Variants in ART4 observed in about 807,000 individuals in gnomAD.
ART4 encodes the protein ecto-ADP-ribosyltransferase 4.
Under a neutral mutation model 24.2 loss-of-function variants are expected in ART4, and 14 were observed. The ratio of observed to expected loss-of-function variants is 0.58; its 90% CI spans 0.38 to 0.90. ART4 has a LOEUF of 0.90. ART4 is among the 40% of genes least tolerant of loss of function. The pLI is 0.00. For missense variants in ART4, 356 were observed against 366.6 expected (o/e 0.97, Z 0.24); for synonymous variants, 145 against 139.9 (o/e 1.04, Z -0.26).
intron 2 of ART4, among the ~76,000 whole-genome samples, chr12:14,839,316 T>A (rs1950450770): frequency 6.6e-6 from 1 of 152,174 alleles, no homozygotes; most frequent in Admixed American, 6.5e-5. Flanking sequence ...AATTTCAGAG[T>A]CCCTGAAGAC....
chr12:14,838,568 C>A lies in ART4; in HGVS notation c.853+1877G>T, dbSNP rs528144161. Among the ~76,000 whole-genome samples the A allele has an allele frequency of 3.9e-5, 6 of 152,270 alleles. No individual in the cohort carries two copies. The South Asian group carries it at 1.2e-3, about 32-fold the overall frequency. On this transcript the variant is annotated intron_variant, in intron 2 of 2. Transcript: ENST00000228936. ...TTCATCCTCTACAAACACTAATCTC[C>A]TGTGTCTGTGGGGCAGATACTCATT... is the stretch of plus-strand genomic sequence containing the variant.
Position 14,828,964 on chromosome 12 carries a change from C to T in ART4, c.*407G>A, listed in dbSNP as rs888070851. The T allele has an allele frequency of 1.3e-5, 2 of 153,322 alleles. No individual in the cohort carries two copies. The highest frequency in any genetic ancestry group is 4.8e-5 in the African/African-American group (2 of 41,456). The allele number at this position is 153,322 out of a possible 1,614,324, so 9.5% of individuals were successfully genotyped here. A position where few individuals can be genotyped will look rare whatever the true frequency, so the allele number is the denominator to read the frequency against. On this transcript the variant is annotated 3_prime_UTR_variant, in exon 3 of 3. Coordinates refer to ENST00000228936, the MANE Select transcript of ART4 (RefSeq NM_021071.4). The stretch of plus-strand genomic sequence containing the variant: ...CAGAAAAGAAGCTCCCATTCTATTT[C>T]CAATTGCAATTCCACAAAAGTACCC...
chr12:14,830,391 T>A (rs1950386212), intron 2 of ART4, among the ~76,000 whole-genome samples: 1 of 151,652 alleles, frequency 6.6e-6, no homozygotes, highest in East Asian at 1.9e-4. Flanking sequence ...GTAGAAAAGA[T>A]GTTTCTGGGA....
intron 2 of ART4, among the ~76,000 whole-genome samples, chr12:14,839,320 T>A (rs1950450787): frequency 6.6e-6 from 1 of 152,214 alleles, no homozygotes; most frequent in Non-Finnish European, 1.5e-5. Context: ...TCAGAGTCCC[T>A]GAAGACACCA....
Position 14,825,958 on chromosome 12 carries a change from A to G in ART4, c.*3413T>C, listed in dbSNP as rs1407021477. 2.6e-5 allele frequency: 4 copies of G among 152,208 alleles called. No individual in the cohort carries two copies. Among genetic ancestry groups the G allele is most frequent in the Non-Finnish European group, 5.9e-5 (4 of 68,040 alleles). 9.4% of individuals were successfully genotyped at this position (152,208 alleles called of 1,614,324 possible). A position where few individuals can be genotyped will look rare whatever the true frequency, so the allele number is the denominator to read the frequency against. On this transcript the variant is annotated 3_prime_UTR_variant, in exon 3 of 3. Coordinates refer to ENST00000228936, the MANE Select transcript of ART4 (RefSeq NM_021071.4). The stretch of plus-strand genomic sequence containing the variant: ...TTCTGTACACATCAAAAGGAGACAT[A>G]CATGTATTTGTTTAATAAAATTACT...
intron 2 of ART4, among the ~76,000 whole-genome samples, chr12:14,838,444 C>A (rs943438831): frequency 1.3e-5 from 2 of 152,110 alleles, no homozygotes; most frequent in African/African-American, 4.8e-5. Context: ...GTAATCATAT[C>A]CTAGTCAGGT....
Position 14,840,505 on chromosome 12 carries a change from C to T in ART4, c.793G>A (p.Asp265Asn), listed in dbSNP as rs11276. The T allele has an allele frequency of 0.37, 602,561 of 1,613,718 alleles. 116,052 individuals carry two copies. Among genetic ancestry groups the T allele is most frequent in the Middle Eastern group, 0.44 (2,659 of 6,050 alleles). Residue 265 changes from aspartate (D) to asparagine (N), a missense_variant, in exon 2 of 3, where the codon GAC (aspartate) becomes AAC (asparagine). Coordinates refer to ENST00000228936, the MANE Select transcript of ART4 (RefSeq NM_021071.4). ...VINMSYHPRG[D>N]WLQLRSTGNL... is the part of the protein sequence containing the mutation. ...CCAGTTGACCTCAACTGCAACCAGT[C>T]TCCTCTTGGGTGGTAGCTCATATTT...
intron 2 of ART4, among the ~76,000 whole-genome samples, chr12:14,833,602 A>G (rs1051939386): frequency 6.6e-6 from 1 of 152,212 alleles, no homozygotes; most frequent in Non-Finnish European, 1.5e-5. Context: ...TGCCAAACAA[A>G]TATCATTTTA....
At chr12:14,837,857 G>A (rs1950441463) in intron 2 of ART4, among the ~76,000 whole-genome samples, 1 of 152,136 alleles carries the variant, frequency 6.6e-6, no homozygotes, top group Non-Finnish European at 1.5e-5. Context: ...AGTCTTCTGA[G>A]GTTCTGTTAC....
In ART4 at chr12:14,829,445, T is replaced by C. The variant is rs199781690; in HGVS notation, c.871A>G (p.Ile291Val). ...QLLKASSKKC[I>V]PDPIAIASLS... ...GATGCAATAGCTATAGGATCAGGGATGCATTTCTTGCTGGAAGCTGTAAAA... is the reference window on the plus strand; with the variant it reads ...GATGCAATAGCTATAGGATCAGGGACGCATTTCTTGCTGGAAGCTGTAAAA... Residue 291 changes from isoleucine (I) to valine (V), a missense_variant, in exon 3 of 3, where the codon ATC becomes GTC. Transcript: ENST00000228936. 6.2e-7 allele frequency: 1 copy of C among 1,607,206 alleles called. No homozygotes were observed. Among genetic ancestry groups the C allele is most frequent in the Non-Finnish European group, 8.5e-7 (1 of 1,178,128 alleles).
chr12:14,838,704 A>G (rs1950446166), intron 2 of ART4, among the ~76,000 whole-genome samples: 1 of 152,176 alleles, frequency 6.6e-6, no homozygotes, highest in Non-Finnish European at 1.5e-5. Context: ...AGCAGATTCT[A>G]GACCTCAGTG....
At chr12:14,829,573 T>G in intron 2 of ART4, 111 bp from the exon 3 acceptor site, 1 of 741,292 alleles carries the variant, frequency 1.3e-6, no homozygotes, top group Non-Finnish European at 2.2e-6. Flanking sequence ...AATAAAAACA[T>G]TTGAAGTTAG....
At chr12:14,840,255 G>A (rs1215923706) in intron 2 of ART4, 190 bp downstream of exon 2, 1 of 549,904 alleles carries the variant, frequency 1.8e-6, no homozygotes, top group African/African-American at 1.9e-5. Context: ...TTGTCCTGGA[G>A]GTAATGGAGT....
At chr12:14,832,976 C>T (rs141839484) in intron 2 of ART4, among the ~76,000 whole-genome samples, 3 of 152,136 alleles carry the variant, frequency 2.0e-5, no homozygotes, top group Non-Finnish European at 4.4e-5. Flanking sequence ...GCATTAATTA[C>T]AAACTAAAGT....
rs1310304324 is a variant in ART4, at chr12:14,829,057, A to G, written c.*314T>C. On this transcript the variant is annotated 3_prime_UTR_variant, in exon 3 of 3. Transcript: ENST00000228936. ...AGCATGAATCTTTGTGTCCATGAAG[A>G]AGAAATATACTGATTGGCTAAGGCC... 3 of 185,802 alleles carry G rather than the reference A, an allele frequency of 1.6e-5. No individual in the cohort carries two copies. In the Admixed American group the frequency reaches 1.8e-4, roughly 11 times the overall value. The allele number at this position is 185,802 out of a possible 1,614,324, so 11.5% of individuals were successfully genotyped here.
chr12:14,838,399 AGAATTATATGTTCCAAATTCATGATG>A (rs1453558471), intron 2 of ART4, among the ~76,000 whole-genome samples: 15 of 152,214 alleles, frequency 9.9e-5, no homozygotes, highest in Non-Finnish European at 1.5e-5. Flanking sequence ...ATCCTAGTGA[AGAATTATATGTTCCAAATTCATGATG>A]AGAATGAAGT....
chr12:14,837,868 G>A (rs1257991424), intron 2 of ART4, among the ~76,000 whole-genome samples: 3 of 152,126 alleles, frequency 2.0e-5, no homozygotes, highest in Non-Finnish European at 4.4e-5. Flanking sequence ...GTTCTGTTAC[G>A]ATAATTATTA....
intron 2 of ART4, among the ~76,000 whole-genome samples, chr12:14,838,671 G>T (rs564922577): frequency 4.6e-4 from 70 of 152,284 alleles, no homozygotes; most frequent in African/African-American, 1.7e-3. Context: ...TCCCTGGTCT[G>T]TATTTATGGC....
At chr12:14,838,799 TA>T (rs1244899981) in intron 2 of ART4, among the ~76,000 whole-genome samples, 1 of 151,944 alleles carries the variant, frequency 6.6e-6, no homozygotes, top group African/African-American at 2.4e-5. Flanking sequence ...ATCATAGCAA[TA>T]ATGATAAAGC....
Sources: gnomAD v4.1 joint callset for allele counts (sites outside exome capture counted in the v4.1 genomes callset) on GRCh38, gnomAD v4.1.1 for gene constraint, MANE v1.5 for transcripts, NCBI Gene and HGNC (gene_info 2026-07-23, HGNC 2026-07-21) for gene names.